The following SAMD5 variants were observed in gnomAD, a reference collection of about 807,000 sequenced individuals.
SAMD5 encodes sterile alpha motif domain-containing protein 5.
SAMD5 carries 13 observed loss-of-function variants against 11.3 expected under a neutral mutation model. The observed-to-expected ratio is 1.15, with a 90% CI of 0.75 to 1.83. SAMD5 has a LOEUF of 1.83. SAMD5 is among the 40% of genes most tolerant of loss of function. The probability of loss-of-function intolerance (pLI) is 0.00; values close to 1 mark genes in which losing one functional copy is unlikely to be tolerated. For missense variants in SAMD5, 255 were observed against 239.1 expected, an observed-to-expected ratio of 1.07 and a Z score of -0.44; for synonymous variants, 129 against 111.3, an observed-to-expected ratio of 1.16 and a Z score of -1.00.
At chr6:147,694,119 T>C (rs760236032) in intron 1 of SAMD5, among the ~76,000 whole-genome samples, 4 of 152,194 alleles carry the variant, frequency 2.6e-5, no homozygotes, top group Non-Finnish European at 4.4e-5. Context: ...ATTATGATAG[T>C]GTGGAGTTGG....
the SAMD5 span, among the ~76,000 whole-genome samples, chr6:147,865,607 C>G: frequency 6.6e-6 from 1 of 151,992 alleles, no homozygotes; most frequent in Non-Finnish European, 1.5e-5. Context: ...CTCAAAGGTC[C>G]CCGTTGTTGT....
the SAMD5 span, among the ~76,000 whole-genome samples, chr6:147,925,490 AT>A: frequency 5.9e-3 from 874 of 148,428 alleles, 5 homozygotes; most frequent in South Asian, 9.6e-3. Context: ...TAAGAATAGA[AT>A]TTTTTTTTTT....
intron 1 of SAMD5, among the ~76,000 whole-genome samples, chr6:147,520,748 CAAATA>C: frequency 6.6e-6 from 1 of 152,070 alleles, no homozygotes; most frequent in Admixed American, 6.5e-5. Flanking sequence ...ATATAATTGA[CAAATA>C]AAAAGTGTAT....
chr6:147,799,157 C>G, the SAMD5 span, among the ~76,000 whole-genome samples: 18 of 151,578 alleles, frequency 1.2e-4, no homozygotes, highest in Admixed American at 1.2e-3. Context: ...CAGTTTCTTC[C>G]TAGTCTCGAT....
chr6:147,543,419 TA>T (rs1026119678), intron 1 of SAMD5, among the ~76,000 whole-genome samples: 12 of 152,230 alleles, frequency 7.9e-5, no homozygotes, highest in African/African-American at 2.9e-4. Context: ...ACAGAAAATT[TA>T]AATTAAAAAC....
chr6:147,550,402 G>C (rs1409208039), intron 1 of SAMD5, among the ~76,000 whole-genome samples: 5 of 151,896 alleles, frequency 3.3e-5, no homozygotes, highest in Non-Finnish European at 7.4e-5. Context: ...CCTGCTACTG[G>C]ATATTTACCC....
At chr6:147,765,789 G>T in the SAMD5 span, among the ~76,000 whole-genome samples, 2 of 152,146 alleles carry the variant, frequency 1.3e-5, no homozygotes, top group Non-Finnish European at 2.9e-5. Context: ...CTCCCTGGAG[G>T]ATACTGGAAC....
At chr6:147,872,001 A>G in the SAMD5 span, among the ~76,000 whole-genome samples, 4 of 152,214 alleles carry the variant, frequency 2.6e-5, no homozygotes, top group Non-Finnish European at 5.9e-5. Flanking sequence ...TCTAATTAAG[A>G]AAAGGAGAAC....
At chr6:147,573,363 GA>G (rs1323288293), downstream of SAMD5, among the ~76,000 whole-genome samples, 1 of 152,184 alleles carries the variant, frequency 6.6e-6, no homozygotes, top group Non-Finnish European at 1.5e-5. Context: ...AGGGTGGCAG[GA>G]GAGAGAAGTG....
chr6:147,580,128 A>G (rs951996282), intron 1 of SAMD5, among the ~76,000 whole-genome samples: 1 of 152,226 alleles, frequency 6.6e-6, no homozygotes, highest in Non-Finnish European at 1.5e-5. Flanking sequence ...AGTTGTTAGC[A>G]GATTGTTAGT....
At chr6:147,910,301 T>C in the SAMD5 span, among the ~76,000 whole-genome samples, 4 of 152,050 alleles carry the variant, frequency 2.6e-5, no homozygotes, top group African/African-American at 9.7e-5. Flanking sequence ...GCAAGTGGCG[T>C]ATCTGGGGGA....
At chr6:147,576,365 T>C (rs1001228560) in intron 1 of SAMD5, among the ~76,000 whole-genome samples, 2 of 152,150 alleles carry the variant, frequency 1.3e-5, no homozygotes, top group Admixed American at 6.5e-5. Context: ...GGTCTCGAAC[T>C]CCTGACCTCA....
At chr6:147,547,560 C>T (rs1284816198) in intron 1 of SAMD5, among the ~76,000 whole-genome samples, 2 of 152,196 alleles carry the variant, frequency 1.3e-5, no homozygotes, top group African/African-American at 4.8e-5. Context: ...GTTGGATCTT[C>T]GCAGACTTTT....
At chr6:147,756,687 T>C in the SAMD5 span, among the ~76,000 whole-genome samples, 1 of 152,342 alleles carries the variant, frequency 6.6e-6, no homozygotes, top group East Asian at 1.9e-4. Flanking sequence ...TTGACATTAA[T>C]GTCCTTATCA....
chr6:147,745,891 A>G, the SAMD5 span, among the ~76,000 whole-genome samples: 10 of 150,424 alleles, frequency 6.6e-5, no homozygotes, highest in Admixed American at 3.3e-4. Flanking sequence ...ACAGGCATGC[A>G]CCACCACGCC....
At chr6:147,610,003 A>C (rs546391231) in intron 1 of SAMD5, among the ~76,000 whole-genome samples, 1 of 152,206 alleles carries the variant, frequency 6.6e-6, no homozygotes, top group East Asian at 1.9e-4. Flanking sequence ...TGTTGTTTTC[A>C]TCAAACAGTT....
At chr6:147,527,113 A>G (rs541366471) in intron 1 of SAMD5, among the ~76,000 whole-genome samples, 2 of 152,322 alleles carry the variant, frequency 1.3e-5, no homozygotes, top group East Asian at 3.9e-4. Flanking sequence ...CTTCAGTGAT[A>G]ATCAGTTCAT....
the SAMD5 span, among the ~76,000 whole-genome samples, chr6:147,814,494 G>A: frequency 2.0e-5 from 3 of 151,948 alleles, no homozygotes; most frequent in Non-Finnish European, 4.4e-5. Flanking sequence ...GTTAAAATCC[G>A]GCAACTCAAT....
At chr6:147,668,534 T>C (rs1237282972) in intron 1 of SAMD5, among the ~76,000 whole-genome samples, 1 of 152,170 alleles carries the variant, frequency 6.6e-6, no homozygotes, top group African/African-American at 2.4e-5. Context: ...GACTTTTTGG[T>C]TTCCCAGTGC....
Sources: gnomAD v4.1 joint callset for allele counts (sites outside exome capture counted in the v4.1 genomes callset) on GRCh38, gnomAD v4.1.1 for gene constraint, MANE v1.5 for transcripts, NCBI Gene and HGNC (gene_info 2026-07-23, HGNC 2026-07-21) for gene names.